The following LPP variants were observed in gnomAD, a reference collection of about 807,000 sequenced individuals.
The protein encoded by LPP is LIM domain containing preferred translocation partner in lipoma.
LPP carries 38 observed loss-of-function variants against 60.4 expected under a neutral mutation model. The observed-to-expected ratio is 0.63, with a 90% CI of 0.49 to 0.83. The LOEUF (loss-of-function observed/expected upper bound fraction) is 0.83, where lower values mean the gene tolerates loss of function less well. LPP is among the 40% of genes least tolerant of loss of function. LPP has a pLI of 0.00. For missense variants in LPP, 902 were observed against 783.6 expected, an observed-to-expected ratio of 1.15 and a Z score of -1.80; for synonymous variants, 328 against 290.8, an observed-to-expected ratio of 1.13 and a Z score of -1.30.
intron 9 of LPP, among the ~76,000 whole-genome samples, chr3:188,783,726 G>A (rs200720303): frequency 6.6e-6 from 1 of 151,058 alleles, no homozygotes; most frequent in Non-Finnish European, 1.5e-5. Flanking sequence ...TTTAAAAAAA[G>A]AAAAAAAAAT....
chr3:188,524,774 C>A lies in LPP; in HGVS notation c.416C>A (p.Pro139His). ...CTTGAGTGCAGCTCCCCCTATAAGC[C>A]TCGGCCTCCACAGGTTAGTGCAGCC... is the stretch of plus-strand genomic sequence containing the variant. Reference protein sequence around the residue: ...ADLECSSPYKPRPPQSSTGST... With the variant: ...ADLECSSPYKHRPPQSSTGST... Residue 139 changes from proline (P) to histidine (H), a missense_variant, in exon 6 of 12, where the codon CCT becomes CAT. Pro to His is a moderately conservative substitution (Grantham distance 77, BLOSUM62 -2). Coordinates refer to ENST00000617246, the MANE Select transcript of LPP (RefSeq NM_001375462.1). The A allele has an allele frequency of 6.2e-7, 1 of 1,613,844 alleles. No individual in the cohort carries two copies. The highest frequency in any genetic ancestry group is 1.1e-5 in the South Asian group (1 of 91,050).
At chr3:188,162,971 G>A (rs1400209764) in intron 1 of LPP, among the ~76,000 whole-genome samples, 3 of 152,134 alleles carry the variant, frequency 2.0e-5, no homozygotes, top group Admixed American at 1.3e-4. Context: ...TATTAATGAG[G>A]TCACCACAGT....
chr3:188,848,707 C>T (rs554211705), intron 9 of LPP, among the ~76,000 whole-genome samples: 1 of 152,282 alleles, frequency 6.6e-6, no homozygotes, highest in Admixed American at 6.5e-5. Context: ...GTGGCTCACG[C>T]CTATAATCCC....
chr3:188,322,654 C>T (rs978160502), intron 2 of LPP, among the ~76,000 whole-genome samples: 1 of 152,162 alleles, frequency 6.6e-6, no homozygotes, highest in African/African-American at 2.4e-5. Context: ...TGTGAGTGCT[C>T]TTGGAAGAGT....
At chr3:188,272,079 GA>G (rs750373386) in intron 2 of LPP, among the ~76,000 whole-genome samples, 1 of 152,132 alleles carries the variant, frequency 6.6e-6, no homozygotes, top group African/African-American at 2.4e-5. Flanking sequence ...GATGCAGGGG[GA>G]TGGCTCCAGA....
chr3:188,201,574 G>T (rs549806227), intron 1 of LPP, among the ~76,000 whole-genome samples: 3 of 152,150 alleles, frequency 2.0e-5, no homozygotes, highest in African/African-American at 7.2e-5. Context: ...AGGAGTGGTG[G>T]CGCATGCCTG....
intron 6 of LPP, among the ~76,000 whole-genome samples, chr3:188,550,624 C>T (rs1221858414): frequency 6.8e-6 from 1 of 146,358 alleles, no homozygotes; most frequent in Non-Finnish European, 1.5e-5. Flanking sequence ...TGGATATTAA[C>T]CATAGTGATC....
intron 8 of LPP, among the ~76,000 whole-genome samples, chr3:188,721,088 T>C (rs914386524): frequency 1.3e-5 from 2 of 152,206 alleles, no homozygotes; most frequent in African/African-American, 2.4e-5. Context: ...TTACCATATA[T>C]GTAAACTATC....
At chr3:188,240,672 A>C (rs562607867) in intron 2 of LPP, among the ~76,000 whole-genome samples, 1 of 151,662 alleles carries the variant, frequency 6.6e-6, no homozygotes, top group African/African-American at 2.4e-5. Flanking sequence ...AATCATGTCA[A>C]CTAGTAAGGC....
intron 7 of LPP, among the ~76,000 whole-genome samples, chr3:188,640,469 G>A (rs1849845558): frequency 6.7e-6 from 1 of 149,986 alleles, no homozygotes; most frequent in Non-Finnish European, 1.5e-5. Context: ...GTATACGTAT[G>A]TAAGTAACCT....
chr3:188,566,578 C>T (rs558702624), intron 6 of LPP, among the ~76,000 whole-genome samples: 2 of 151,982 alleles, frequency 1.3e-5, no homozygotes, highest in South Asian at 4.1e-4. Context: ...ACTCTCCCTC[C>T]AACATTCATA....
chr3:188,790,737 G>A (rs760490901), intron 9 of LPP, among the ~76,000 whole-genome samples: 8 of 151,576 alleles, frequency 5.3e-5, no homozygotes, highest in African/African-American at 7.3e-5. Context: ...CAGGAGAGTC[G>A]CTTGAACCAG....
chr3:188,154,030 T>C (rs1309256046), upstream of LPP: 1 of 155,960 alleles, frequency 6.4e-6, no homozygotes, highest in African/African-American at 2.4e-5. Context: ...AGGTAAGGGC[T>C]GGCTGCACGG....
chr3:188,804,142 A>G (rs1748197563), intron 9 of LPP, among the ~76,000 whole-genome samples: 1 of 147,908 alleles, frequency 6.8e-6, no homozygotes, highest in Non-Finnish European at 1.5e-5. Flanking sequence ...TATATTGCCC[A>G]TGTGTGCTGT....
chr3:188,247,064 G>A (rs1727225831), intron 2 of LPP: 1 of 319,936 alleles, frequency 3.1e-6, no homozygotes, highest in African/African-American at 2.2e-5. Context: ...GGAGACCTGT[G>A]TGTGACTGAG....
rs1350788020 is a variant in LPP at position 188,887,144 on chromosome 3, G to A, written c.*12665G>A. 3 of 227,830 alleles carry A rather than the reference G, an allele frequency of 1.3e-5. No homozygotes were observed. Among genetic ancestry groups the A allele is most frequent in the Non-Finnish European group, 2.6e-5 (3 of 114,750 alleles). 14.1% of individuals were successfully genotyped at this position (227,830 alleles called of 1,614,324 possible). A position where few individuals can be genotyped will look rare whatever the true frequency, so the allele number is the denominator to read the frequency against. On this transcript the variant is annotated 3_prime_UTR_variant, in exon 12 of 12. Coordinates refer to ENST00000617246, the MANE Select transcript of LPP (RefSeq NM_001375462.1). ...CTTGACTCTTTCCTTCATCACAAGA[G>A]AGTAAATATGAAGTCTGAATGTCGT...
chr3:188,457,996 A>ATC (rs1798149142), intron 4 of LPP, among the ~76,000 whole-genome samples: 1 of 152,212 alleles, frequency 6.6e-6, no homozygotes, highest in African/African-American at 2.4e-5. Context: ...TATTGGTATT[A>ATC]AACTATGAGC....
At chr3:188,501,318 A>G (rs1052967415) in intron 5 of LPP, among the ~76,000 whole-genome samples, 2 of 152,062 alleles carry the variant, frequency 1.3e-5, no homozygotes, top group Admixed American at 1.3e-4. Context: ...ATTGTTTGTT[A>G]AAGAGCATAT....
chr3:188,394,777 A>G (rs915134853), intron 3 of LPP, among the ~76,000 whole-genome samples: 5 of 152,272 alleles, frequency 3.3e-5, no homozygotes, highest in Admixed American at 2.6e-4. Context: ...AGCCTGGTTC[A>G]TTTTTACTGT....
Sources: gnomAD v4.1 joint callset for allele counts (sites outside exome capture counted in the v4.1 genomes callset) on GRCh38, gnomAD v4.1.1 for gene constraint, MANE v1.5 for transcripts, NCBI Gene and HGNC (gene_info 2026-07-23, HGNC 2026-07-21) for gene names.